Variants in PCNX3 observed in about 807,000 individuals in gnomAD.
The protein encoded by PCNX3 is pecanex-like protein 3.
PCNX3 carries 58 observed loss-of-function variants against 207.2 expected under a neutral mutation model. The ratio of observed to expected loss-of-function variants is 0.28; its 90% confidence interval spans 0.23 to 0.35. The LOEUF (loss-of-function observed/expected upper bound fraction) is 0.35. PCNX3 is among the 10% of genes least tolerant of loss of function. The pLI is 1.00. For missense variants in PCNX3, 2,410 were observed against 2,774.4 expected (o/e 0.87, Z 2.95); for synonymous variants, 1,337 against 1,183.5 (o/e 1.13, Z -2.66).
rs1855576137 is a variant in PCNX3, at chr11:65,630,532, T to C, written c.4398T>C (p.Ile1466=). ...ASKYVLEGYS[I]SDNNAASMLQ... is the part of the protein sequence containing the mutation. ...AGTACGTGCTGGAGGGCTATAGCAT[T>C]AGTGACAATAATGCTGCCTCCATGC... The change falls in exon 27 of 35, where the codon ATT becomes ATC. Residue 1466 remains isoleucine, a synonymous_variant. Transcript: ENST00000355703. The C allele has an allele frequency of 6.2e-7, 1 of 1,613,442 alleles. No homozygotes were observed. The highest frequency in any genetic ancestry group is 1.3e-5 in the African/African-American group (1 of 74,890).
rs748884540 is a variant in PCNX3, at chr11:65,635,159, G to C, written c.4953+39G>C. 4 of 1,606,832 alleles carry C rather than the reference G, an allele frequency of 2.5e-6. No individual in the cohort carries two copies. The highest frequency in any genetic ancestry group is 3.4e-6 in the Non-Finnish European group (4 of 1,175,454). ...GTGCCCAGCAGCATGGGCAGGTGGG[G>C]GATGAAGCCTCTCTCCAGGGCAGGG... On this transcript the variant is annotated intron_variant, in intron 30 of 34. Coordinates refer to ENST00000355703, the MANE Select transcript of PCNX3 (RefSeq NM_032223.4). The surrounding 1 kb of genome is among the most constrained non-coding windows in gnomAD (Gnocchi z 9.9).
Position 65,636,611 on chromosome 11 carries a change from G to C in PCNX3, c.5814G>C (p.Leu1938=), listed in dbSNP as rs756116899. Residue 1938 remains leucine, a synonymous_variant, in exon 34 of 35, where the codon CTG becomes CTC. Transcript: ENST00000355703. ...AGGGCCCCAGTGGAAAGTGGAGCCTGGGGGGCCGGAAGGGGCTGGGAGGAT... is the reference window on the plus strand; with the variant it reads ...AGGGCCCCAGTGGAAAGTGGAGCCTCGGGGGCCGGAAGGGGCTGGGAGGAT... ...SSEGPSGKWS[L]GGRKGLGGSD... is the part of the protein sequence containing the mutation. 14 of 1,585,524 alleles carry C rather than the reference G, an allele frequency of 8.8e-6. No homozygotes were observed. The highest frequency in any genetic ancestry group is 5.5e-5 in the Admixed American group (3 of 54,184).
At chr11:65,629,280 C>T (rs1174116824) in intron 24 of PCNX3, 77 bp from the exon 25 acceptor site, 1 of 1,454,560 alleles carries the variant, frequency 6.9e-7, no homozygotes. Flanking sequence ...GACCTTGTGG[C>T]ACAGGGAGAG....
In PCNX3 at chr11:65,617,066, A is replaced by T. The variant is rs1565151026; in HGVS notation, c.341+55A>T. 13 of 1,523,798 alleles carry T rather than the reference A, an allele frequency of 8.5e-6. No individual in the cohort carries two copies. The East Asian group carries it at 2.9e-4, about 34-fold the overall frequency. 94.4% of individuals were successfully genotyped at this position (1,523,798 alleles called of 1,614,324 possible). On this transcript the variant is annotated intron_variant, in intron 2 of 34. Coordinates refer to ENST00000355703, the MANE Select transcript of PCNX3 (RefSeq NM_032223.4). Reference sequence around the variant, plus strand: ...TGAGGGTTTTTGGTGCCTGGGCCGGAACCTTGCAGGGTGGAGTAGGGGCTT... The same window carrying T: ...TGAGGGTTTTTGGTGCCTGGGCCGGTACCTTGCAGGGTGGAGTAGGGGCTT...
chr11:65,619,103 G>A (rs76048069), intron 6 of PCNX3, 36 bp downstream of exon 6: 14 of 1,519,352 alleles, frequency 9.2e-6, no homozygotes, highest in East Asian at 2.3e-5. Context: ...GCTGGGGGAC[G>A]TGAGCTACGG....
rs1478096969 is a variant in PCNX3, at chr11:65,624,227, T to C, written c.2577T>C (p.Pro859=). The C allele has an allele frequency of 2.5e-6, 4 of 1,607,926 alleles. No individual in the cohort carries two copies. Among genetic ancestry groups the C allele is most frequent in the African/African-American group, 2.7e-5 (2 of 74,848 alleles). Residue 859 remains proline, a synonymous_variant, in exon 14 of 35, where the codon CCT becomes CCC. Transcript: ENST00000355703. The part of the protein sequence containing the change: ...GHNWVIAYSR[P]VYFCICCLLI... ...ACTGGGTGATCGCGTACAGCCGTCC[T>C]GTCTACTTCTGCATCTGCTGTCTGC...
intron 25 of PCNX3, 38 bp downstream of exon 25, chr11:65,629,453 C>T: frequency 6.2e-7 from 1 of 1,610,866 alleles, no homozygotes; most frequent in Non-Finnish European, 8.5e-7. Flanking sequence ...TAGGGCAGGG[C>T]CTCCCTGGGG....
At chr11:65,626,824 C>T in intron 20 of PCNX3, 80 bp from the exon 21 acceptor site, 1 of 1,542,954 alleles carries the variant, frequency 6.5e-7, no homozygotes, top group Non-Finnish European at 8.7e-7. Flanking sequence ...GACCGCACAG[C>T]CTGCCCTCCT....
chr11:65,618,212 C>T lies in PCNX3; in HGVS notation c.850C>T (p.Arg284Trp), dbSNP rs377363491. ...GGCAGGTGGCTATCAGCCCCTTGAC[C>T]GGCGGGGCTCAGGGGAGCCCACGCC... ...RGAGGYQPLD[R>W]RGSGEPTPQK... Residue 284 changes from arginine (R) to tryptophan (W), a missense_variant, in exon 6 of 35, where the codon CGG becomes TGG. Physicochemically the swap from Arg to Trp is moderately radical, Grantham distance 101. Transcript: ENST00000355703. 30 of 1,602,356 alleles carry T rather than the reference C, an allele frequency of 1.9e-5. No individual in the cohort carries two copies. The highest frequency in any genetic ancestry group is 4.5e-5 in the East Asian group (2 of 44,714).
chr11:65,619,589 G>A lies in PCNX3; in HGVS notation c.1758G>A (p.Gln586=), dbSNP rs1854964361. Residue 586 remains glutamine, a synonymous_variant, in exon 7 of 35, where the codon CAG becomes CAA. Transcript: ENST00000355703. ...GCTCAAGCAGTGTGAGGCGGACCCA[G>A]GCCATTCGGAGACGCCACAATGCAG... is the stretch of plus-strand genomic sequence containing the variant. ...RDRSSSVRRT[Q]AIRRRHNAGS... is the part of the protein sequence containing the mutation. 1 of 1,608,432 alleles carries A rather than the reference G, an allele frequency of 6.2e-7. No individual in the cohort carries two copies.
chr11:65,622,058 T>C (rs1190242643), intron 10 of PCNX3, 187 bp from the exon 11 acceptor site: 1 of 678,346 alleles, frequency 1.5e-6, no homozygotes. Flanking sequence ...CCCTTTCAGA[T>C]GAAGGGTTCT....
chr11:65,629,312 C>T lies in PCNX3; in HGVS notation c.3942-45C>T, dbSNP rs753264934. The T allele has an allele frequency of 2.3e-5, 37 of 1,579,916 alleles. No homozygotes were observed. The South Asian group carries it at 3.2e-4, about 14-fold the overall frequency. ...AGAGCATGAGCAGGGTGCACCCTCT[C>T]TTCACCTTCTTGGCCAACCGCCTTG... is the stretch of plus-strand genomic sequence containing the variant. On this transcript the variant is annotated intron_variant, in intron 24 of 34. Transcript: ENST00000355703.
rs370377442 is a variant in PCNX3, at chr11:65,625,393, C to T, written c.3030-12C>T. 10 of 1,601,144 alleles carry T rather than the reference C, an allele frequency of 6.2e-6. No individual in the cohort carries two copies. The East Asian group carries it at 8.9e-5, about 14-fold the overall frequency. Reference sequence around the variant, plus strand: ...GAGGGGCGGCCTCCTCCTGACTCTTCCTCACCCCCAGGTCTCTGATCCGGA... The same window carrying T: ...GAGGGGCGGCCTCCTCCTGACTCTTTCTCACCCCCAGGTCTCTGATCCGGA... On this transcript the variant is annotated splice_polypyrimidine_tract_variant and intron_variant, in intron 17 of 34. Transcript: ENST00000355703. This position sits in a 1 kb window ranked among gnomAD's most constrained non-coding sequence, Gnocchi z 5.6.
chr11:65,626,112 G>A, intron 20 of PCNX3, 58 bp downstream of exon 20: 2 of 1,545,254 alleles, frequency 1.3e-6, no homozygotes, highest in Non-Finnish European at 8.7e-7. Flanking sequence ...CAGCCTGGCT[G>A]GTGGGAGCTG....
chr11:65,626,147 A>C (rs1345654310), intron 20 of PCNX3, 93 bp downstream of exon 20: 4 of 1,486,988 alleles, frequency 2.7e-6, no homozygotes, highest in East Asian at 2.5e-5. Flanking sequence ...CAGGAGTGCC[A>C]GCAGGGGGCA....
In PCNX3 at chr11:65,625,669, C is replaced by T. The variant is rs375443128; in HGVS notation, c.3153C>T (p.Ser1051=). 552 of 1,613,038 alleles carry T rather than the reference C, an allele frequency of 3.4e-4. No individual in the cohort carries two copies. The highest frequency in any genetic ancestry group is 4.5e-4 in the Non-Finnish European group (533 of 1,179,782). The change falls in exon 19 of 35, where the codon TCC becomes TCT. Residue 1051 remains serine, a synonymous_variant. Coordinates refer to ENST00000355703, the MANE Select transcript of PCNX3 (RefSeq NM_032223.4). This position sits in a 1 kb window ranked among gnomAD's most constrained non-coding sequence, Gnocchi z 5.6. Reference sequence around the variant, plus strand: ...CCCTGCAGCGTGAGGTCTTGCACTCCGACCTGGTGATGTGTGTGGTGATCG... The same window carrying T: ...CCCTGCAGCGTGAGGTCTTGCACTCTGACCTGGTGATGTGTGTGGTGATCG... ...MRQSVREVLH[S]DLVMCVVIAV...
chr11:65,620,532 A>C, intron 9 of PCNX3, 103 bp downstream of exon 9: 1 of 1,310,544 alleles, frequency 7.6e-7, no homozygotes, highest in Non-Finnish European at 1.1e-6. Context: ...GGGCTTGGGC[A>C]GGGGCAGCTC....
Position 65,636,256 on chromosome 11 carries a change from T to C in PCNX3, c.5542T>C (p.Ser1848Pro). ...SDCSGGGGLT[S>P]LSNNPPVAHP... ...CTGTAGTGGGGGCGGTGGCCTGACC[T>C]CCCTCAGCAATAACCCCCCCGTGGC... The change falls in exon 33 of 35, where the codon TCC becomes CCC. Residue 1848 changes from serine (S) to proline (P), a missense_variant. Transcript: ENST00000355703. The C allele has an allele frequency of 6.3e-7, 1 of 1,592,596 alleles. No individual in the cohort carries two copies. The highest frequency in any genetic ancestry group is 2.3e-5 in the East Asian group (1 of 43,680).
chr11:65,620,301 C>T (rs766797567), intron 8 of PCNX3, 38 bp from the exon 9 acceptor site: 1 of 1,584,004 alleles, frequency 6.3e-7, no homozygotes, highest in Non-Finnish European at 8.6e-7. Flanking sequence ...GTGCTTCTGT[C>T]TCTGCCACGC....
Sources: allele counts gnomAD v4.1 joint callset, GRCh38; gene constraint gnomAD v4.1.1; non-coding constraint Gnocchi (gnomAD v3.1); transcripts MANE v1.5; gene names NCBI Gene and HGNC (gene_info 2026-07-23, HGNC 2026-07-21).